SNX18: variants seen among roughly 807,000 people sequenced by gnomAD.
The protein encoded by SNX18 is sorting nexin-18.
A neutral mutation model predicts 48.7 loss-of-function variants in SNX18; 35 were observed. The observed-to-expected ratio is 0.72, with a 90% confidence interval of 0.55 to 0.95. The LOEUF is 0.95. Among genes scored for constraint, SNX18 ranks in the 40% least tolerant of loss-of-function variants. The probability of loss-of-function intolerance (pLI) is 0.00; values close to 1 mark genes in which losing one functional copy is unlikely to be tolerated. For missense variants in SNX18, 824 were observed against 871.0 expected, an observed-to-expected ratio of 0.95 and a Z score of 0.68; for synonymous variants, 492 against 384.7, an observed-to-expected ratio of 1.28 and a Z score of -3.26.
At chr5:54,641,581 G>A in the SNX18 span, among the ~76,000 whole-genome samples, 1 of 152,184 alleles carries the variant, frequency 6.6e-6, no homozygotes, top group Non-Finnish European at 1.5e-5. Flanking sequence ...TCAGGGTTTT[G>A]AGCGTGCACT....
the SNX18 span, among the ~76,000 whole-genome samples, chr5:54,592,636 A>T: frequency 6.6e-6 from 1 of 152,222 alleles, no homozygotes; most frequent in South Asian, 2.1e-4. Flanking sequence ...GCTTGACTGT[A>T]ACAGGGCAAT....
the SNX18 span, among the ~76,000 whole-genome samples, chr5:54,580,233 T>C: frequency 6.6e-6 from 1 of 152,196 alleles, no homozygotes; most frequent in Non-Finnish European, 1.5e-5. Flanking sequence ...TAACAAATAC[T>C]AGTCTCTGTC....
chr5:54,638,325 G>C, the SNX18 span, among the ~76,000 whole-genome samples: 4 of 152,136 alleles, frequency 2.6e-5, no homozygotes, highest in African/African-American at 9.7e-5. Context: ...AAAGGGGGAG[G>C]GACTTGGAGA....
the SNX18 span, among the ~76,000 whole-genome samples, chr5:54,566,590 C>T: frequency 1.3e-5 from 2 of 152,180 alleles, no homozygotes; most frequent in African/African-American, 4.8e-5. Context: ...CTTCATGTAG[C>T]TTCAGGGACT....
the SNX18 span, among the ~76,000 whole-genome samples, chr5:54,638,100 T>C: frequency 6.6e-6 from 1 of 152,246 alleles, no homozygotes; most frequent in Non-Finnish European, 1.5e-5. Flanking sequence ...TCATTCCTTT[T>C]GGAATTCATT....
At chr5:54,636,801 A>T in the SNX18 span, among the ~76,000 whole-genome samples, 2 of 152,226 alleles carry the variant, frequency 1.3e-5, no homozygotes, top group African/African-American at 4.8e-5. Flanking sequence ...GCACTTTAGA[A>T]CTCACTTACT....
At chr5:54,636,616 A>C in the SNX18 span, among the ~76,000 whole-genome samples, 3 of 152,182 alleles carry the variant, frequency 2.0e-5, no homozygotes, top group Non-Finnish European at 2.9e-5. Flanking sequence ...CTCTTTCCAC[A>C]ACTACAATTT....
At chr5:54,591,451 A>G in the SNX18 span, among the ~76,000 whole-genome samples, 3 of 152,180 alleles carry the variant, frequency 2.0e-5, no homozygotes. Context: ...TTGGCCTCCC[A>G]AAGTGCTGGG....
chr5:54,640,737 G>A, the SNX18 span, among the ~76,000 whole-genome samples: 2 of 152,158 alleles, frequency 1.3e-5, no homozygotes, highest in Admixed American at 1.3e-4. Context: ...ATCAAGACTT[G>A]GGAATCTATC....
At position 54,530,744 on chromosome 5, in the gene SNX18, ATTTTTTTTTT is replaced by A. The variant is rs70986692; in HGVS notation, c.1621+11188_1621+11197del. Among the ~76,000 whole-genome samples, 21 of 72,512 alleles carry A rather than the reference ATTTTTTTTTT, an allele frequency of 2.9e-4. 1 individual carries two copies. Among genetic ancestry groups the A allele is most frequent in the East Asian group, 1.0e-3 (2 of 1,928 alleles). 47.6% of individuals were successfully genotyped at this position (72,512 alleles called of 152,430 possible). A position where few individuals can be genotyped will look rare whatever the true frequency, so the allele number is the denominator to read the frequency against. ...TGCAGACAGGAGCTGAACCACAGAAATTTTTTTTTTTTTTTTTTTTTTTTTTGAGACAGTT... is the reference window on the plus strand; with the variant it reads ...TGCAGACAGGAGCTGAACCACAGAAATTTTTTTTTTTTTTTTGAGACAGTT... On this transcript the variant is annotated intron_variant, in intron 1 of 1. Transcript: ENST00000381410.
At position 54,545,495 on chromosome 5, in the gene SNX18, T is replaced by C. The variant is rs1474794402; in HGVS notation, c.*2063T>C. ...TGAGGTATATTGTATGATTGTACTTTAGCCAGGGTGGACATAGCTTAAATT... is the reference window on the plus strand; with the variant it reads ...TGAGGTATATTGTATGATTGTACTTCAGCCAGGGTGGACATAGCTTAAATT... On this transcript the variant is annotated 3_prime_UTR_variant, in exon 2 of 2. Coordinates refer to ENST00000381410, the MANE Select transcript of SNX18 (RefSeq NM_001102575.2). 1 of 152,150 alleles carries C rather than the reference T, an allele frequency of 6.6e-6. No individual in the cohort carries two copies. Among genetic ancestry groups the C allele is most frequent in the African/African-American group, 2.4e-5 (1 of 41,420 alleles). 9.4% of individuals were successfully genotyped at this position (152,150 alleles called of 1,614,324 possible). A position where few individuals can be genotyped will look rare whatever the true frequency, so the allele number is the denominator to read the frequency against.
chr5:54,636,679 T>G, the SNX18 span, among the ~76,000 whole-genome samples: 1 of 152,234 alleles, frequency 6.6e-6, no homozygotes, highest in Admixed American at 6.5e-5. Context: ...AACTGCTTAT[T>G]ACTGCTAAGT....
At chr5:54,595,130 C>T in the SNX18 span, among the ~76,000 whole-genome samples, 1 of 152,326 alleles carries the variant, frequency 6.6e-6, no homozygotes, top group East Asian at 1.9e-4. Context: ...CTACAATAAA[C>T]ATACAAATAT....
intron 1 of SNX18, among the ~76,000 whole-genome samples, chr5:54,535,418 G>T (rs1171905974): frequency 6.6e-6 from 1 of 152,152 alleles, no homozygotes; most frequent in East Asian, 1.9e-4. Flanking sequence ...ATCAGCGTGG[G>T]AATCTAGGAG....
chr5:54,523,911 AGCCCTGAAAGGGTGGT>A (rs1485555500), intron 1 of SNX18, among the ~76,000 whole-genome samples: 5 of 152,222 alleles, frequency 3.3e-5, no homozygotes, highest in African/African-American at 1.2e-4. Context: ...AGCTAAAAAT[AGCCCTGAAAGGGTGGT>A]GCCAGGAATA....
At chr5:54,600,562 G>A in the SNX18 span, among the ~76,000 whole-genome samples, 1 of 152,194 alleles carries the variant, frequency 6.6e-6, no homozygotes, top group African/African-American at 2.4e-5. Context: ...AGAATAGCAA[G>A]GACATGGAAT....
the SNX18 span, among the ~76,000 whole-genome samples, chr5:54,600,841 A>G: frequency 6.6e-6 from 1 of 152,070 alleles, no homozygotes; most frequent in African/African-American, 2.4e-5. Context: ...GGTGGGGTGG[A>G]GGGAGAGAGA....
chr5:54,557,309 A>C, the SNX18 span, among the ~76,000 whole-genome samples: 54 of 152,248 alleles, frequency 3.5e-4, no homozygotes, highest in Admixed American at 9.2e-4. Flanking sequence ...CTGTATTTGC[A>C]TAAAATCCAT....
At chr5:54,598,202 A>G in the SNX18 span, among the ~76,000 whole-genome samples, 2 of 152,300 alleles carry the variant, frequency 1.3e-5, no homozygotes, top group East Asian at 3.9e-4. Flanking sequence ...CCCTGAATAG[A>G]CCAATAGCAA....
Sources: gnomAD v4.1 joint callset for allele counts (sites outside exome capture counted in the v4.1 genomes callset) on GRCh38, gnomAD v4.1.1 for gene constraint, MANE v1.5 for transcripts, NCBI Gene and HGNC (gene_info 2026-07-23, HGNC 2026-07-21) for gene names.